Variants in ARL3 observed in about 807,000 individuals in gnomAD.
ARL3 encodes ARF like GTPase 3, also known as ADP-ribosylation factor-like protein 3.
A neutral mutation model predicts 26.0 loss-of-function variants in ARL3; 9 were observed. That is an observed-to-expected ratio of 0.35 (90% CI 0.21 to 0.60). The LOEUF (loss-of-function observed/expected upper bound fraction) is 0.60. Among genes scored for constraint, ARL3 ranks in the 20% least tolerant of loss-of-function variants. The pLI is 0.78. For missense variants in ARL3, 158 were observed against 215.7 expected (o/e 0.73, Z 1.67); for synonymous variants, 71 against 78.4 (o/e 0.91, Z 0.50).
intron 1 of ARL3, among the ~76,000 whole-genome samples, chr10:102,710,647 T>A (rs1377520007): frequency 6.6e-6 from 1 of 152,256 alleles, no homozygotes; most frequent in Non-Finnish European, 1.5e-5. Flanking sequence ...GATCTCTATG[T>A]AGGATTTATA....
chr10:102,692,887 A>G (rs1403437236), intron 3 of ARL3, among the ~76,000 whole-genome samples: 2 of 152,006 alleles, frequency 1.3e-5, no homozygotes, highest in Non-Finnish European at 2.9e-5. Context: ...TAGTAGAGAC[A>G]GGGTTTCACC....
chr10:102,714,126 A>G, intron 1 of ARL3, 147 bp downstream of exon 1: 1 of 1,039,998 alleles, frequency 9.6e-7, no homozygotes, highest in Non-Finnish European at 1.3e-6. Context: ...CTCCCCGCCG[A>G]CCCCCGAAAT....
chr10:102,712,062 A>T (rs1164485830), intron 1 of ARL3, among the ~76,000 whole-genome samples: 1 of 152,202 alleles, frequency 6.6e-6, no homozygotes, highest in Non-Finnish European at 1.5e-5. Flanking sequence ...GTTAAATATA[A>T]GTGGTTAGTT....
chr10:102,685,921 T>G lies in ARL3; in HGVS notation c.396A>C (p.Thr132=). The G allele has an allele frequency of 6.2e-7, 1 of 1,614,230 alleles. No homozygotes were observed. Among genetic ancestry groups the G allele is most frequent in the Non-Finnish European group, 8.5e-7 (1 of 1,180,048 alleles). ...CTGCAATTTCAGAGGCAGGGGCTGC[T>G]GTGAGCAAATCCTGCTTATTAGCAA... ...LIFANKQDLL[T]AAPASEIAEG... The change falls in exon 5 of 6, where the codon ACA becomes ACC. Residue 132 remains threonine (T), a synonymous_variant. Coordinates refer to ENST00000260746, the MANE Select transcript of ARL3 (RefSeq NM_004311.4).
chr10:102,678,270 G>C (rs542466908), intron 5 of ARL3, among the ~76,000 whole-genome samples: 1 of 152,322 alleles, frequency 6.6e-6, no homozygotes, highest in East Asian at 1.9e-4. Flanking sequence ...CGAGGTGGGA[G>C]AAATGAGGAC....
chr10:102,695,266 C>T (rs138611847), intron 3 of ARL3, among the ~76,000 whole-genome samples: 5 of 152,276 alleles, frequency 3.3e-5, no homozygotes, highest in African/African-American at 1.2e-4. Context: ...TCCATGAGCA[C>T]GGACTGTCTC....
Position 102,714,396 on chromosome 10 carries a change from A to G in ARL3, c.-121T>C, listed in dbSNP as rs2064370950. On this transcript the variant is annotated 5_prime_UTR_variant, in exon 1 of 6. Coordinates refer to ENST00000260746, the MANE Select transcript of ARL3 (RefSeq NM_004311.4). Reference sequence around the variant, plus strand: ...CACAGCTGAGGAGCTGAGCAGCAATACGGGGCGGGGTGCAGCTCCGCTTTC... The same window carrying G: ...CACAGCTGAGGAGCTGAGCAGCAATGCGGGGCGGGGTGCAGCTCCGCTTTC... 2.9e-6 allele frequency: 3 copies of G among 1,051,282 alleles called. No homozygotes were observed. The South Asian group carries it at 1.4e-4, about 49-fold the overall frequency. The allele number at this position is 1,051,282 out of a possible 1,614,324, so 65.1% of individuals were successfully genotyped here.
At chr10:102,695,737 G>A (rs1395751321) in intron 3 of ARL3, among the ~76,000 whole-genome samples, 8 of 152,090 alleles carry the variant, frequency 5.3e-5, no homozygotes, top group African/African-American at 9.7e-5. Context: ...AGCTGGTCTC[G>A]AACTCCTGAC....
At chr10:102,709,664 A>G (rs1280140086) in intron 1 of ARL3, among the ~76,000 whole-genome samples, 2 of 151,312 alleles carry the variant, frequency 1.3e-5, no homozygotes, top group African/African-American at 2.4e-5. Flanking sequence ...AAAAAAAAAA[A>G]AAAGAGACAA....
chr10:102,700,214 G>A (rs1352535522), intron 2 of ARL3, among the ~76,000 whole-genome samples: 1 of 152,016 alleles, frequency 6.6e-6, no homozygotes, highest in East Asian at 1.9e-4. Flanking sequence ...TTCGAGATCA[G>A]CCTGGTCAAT....
At chr10:102,693,152 C>A (rs1403644102) in intron 3 of ARL3, among the ~76,000 whole-genome samples, 1 of 152,168 alleles carries the variant, frequency 6.6e-6, no homozygotes, top group Non-Finnish European at 1.5e-5. Flanking sequence ...ATGCCATAAA[C>A]ATTCCTATGC....
intron 2 of ARL3, among the ~76,000 whole-genome samples, chr10:102,700,140 G>C (rs11191371): frequency 0.32 from 48,851 of 152,048 alleles, 8,296 homozygotes; most frequent in African/African-American, 0.38. Context: ...GGCTGGGTGC[G>C]TAGCTCACGC....
At chr10:102,688,592 T>C (rs1212765136) in intron 4 of ARL3, among the ~76,000 whole-genome samples, 1 of 149,268 alleles carries the variant, frequency 6.7e-6, no homozygotes, top group Non-Finnish European at 1.5e-5. Context: ...ACCTCTGCAG[T>C]GGGTTCAAGT....
At chr10:102,712,801 C>T (rs149809443) in intron 1 of ARL3, among the ~76,000 whole-genome samples, 1 of 150,210 alleles carries the variant, frequency 6.7e-6, no homozygotes, top group African/African-American at 2.5e-5. Context: ...TATGTTTGTA[C>T]TCATTTGTTG....
intron 5 of ARL3, among the ~76,000 whole-genome samples, chr10:102,682,087 C>T (rs541219342): frequency 2.0e-5 from 3 of 152,184 alleles, no homozygotes; most frequent in Admixed American, 6.5e-5. Context: ...CTGGGCCTGA[C>T]CTCGAGGGCG....
intron 4 of ARL3, among the ~76,000 whole-genome samples, 173 bp downstream of exon 4, chr10:102,689,720 C>T (rs2064206696): frequency 6.6e-6 from 1 of 150,868 alleles, no homozygotes; most frequent in South Asian, 2.1e-4. Context: ...TCCAGCTACT[C>T]GGGAGGCTGA....
chr10:102,682,139 C>T (rs147831679), intron 5 of ARL3, among the ~76,000 whole-genome samples: 5 of 152,270 alleles, frequency 3.3e-5, no homozygotes, highest in African/African-American at 4.8e-5. Context: ...AGTCTGGCTT[C>T]GGTTCTCCCT....
chr10:102,704,978 T>G (rs577055493), intron 2 of ARL3, among the ~76,000 whole-genome samples: 1 of 152,276 alleles, frequency 6.6e-6, no homozygotes, highest in Non-Finnish European at 1.5e-5. Flanking sequence ...ACGTACCATT[T>G]CAGCCATTTT....
intron 5 of ARL3, among the ~76,000 whole-genome samples, chr10:102,678,997 G>A (rs923957950): frequency 9.2e-5 from 14 of 152,222 alleles, no homozygotes; most frequent in Admixed American, 3.3e-4. Context: ...TGCAGCTGCC[G>A]CTGCAACCCT....
Sources: gnomAD v4.1 joint callset for allele counts (sites outside exome capture counted in the v4.1 genomes callset) on GRCh38, gnomAD v4.1.1 for gene constraint, MANE v1.5 for transcripts, NCBI Gene and HGNC (gene_info 2026-07-23, HGNC 2026-07-21) for gene names.